Variants in GNA12 observed in about 807,000 individuals in gnomAD.
GNA12 encodes the protein G protein subunit alpha 12, also known as guanine nucleotide-binding protein subunit alpha-12.
Under a neutral mutation model 26.0 loss-of-function variants are expected in GNA12, and 9 were observed. The ratio of observed to expected loss-of-function variants is 0.35; its 90% confidence interval spans 0.21 to 0.60. The LOEUF (loss-of-function observed/expected upper bound fraction) is 0.60. Among genes scored for constraint, GNA12 ranks in the 20% least tolerant of loss-of-function variants. The pLI, the probability that GNA12 is intolerant of heterozygous loss-of-function variation, is 0.78. For synonymous variants in GNA12, 264 were observed against 219.6 expected, an observed-to-expected ratio of 1.20 and a Z score of -1.79; for missense variants, 405 against 525.8, an observed-to-expected ratio of 0.77 and a Z score of 2.25.
At chr7:2,787,295 T>G (rs957721449) in intron 2 of GNA12, among the ~76,000 whole-genome samples, 23 of 152,196 alleles carry the variant, frequency 1.5e-4, no homozygotes, top group Admixed American at 2.0e-4. Context: ...TCACTTTTAT[T>G]ATCAACATGG....
intron 2 of GNA12, among the ~76,000 whole-genome samples, chr7:2,768,160 G>A (rs1464637777): frequency 1.3e-5 from 2 of 152,202 alleles, no homozygotes; most frequent in African/African-American, 4.8e-5. Context: ...CAGACCTAAT[G>A]GAGACTATAA....
At chr7:2,816,174 G>A (rs1793213749) in intron 1 of GNA12, among the ~76,000 whole-genome samples, 1 of 151,852 alleles carries the variant, frequency 6.6e-6, no homozygotes, top group Non-Finnish European at 1.5e-5. Flanking sequence ...TGTGACGGTG[G>A]AAAGAAGTAA....
intron 2 of GNA12, among the ~76,000 whole-genome samples, chr7:2,790,965 T>C (rs981008013): frequency 2.0e-5 from 3 of 147,896 alleles, no homozygotes; most frequent in East Asian, 2.0e-4. Flanking sequence ...CAGAGCAAGA[T>C]TGTCCCTTTA....
At chr7:2,822,260 T>C (rs1453884634) in intron 1 of GNA12, among the ~76,000 whole-genome samples, 2 of 152,194 alleles carry the variant, frequency 1.3e-5, no homozygotes, top group Non-Finnish European at 1.5e-5. Flanking sequence ...ACTGGAGTGG[T>C]TGTTTTGCAT....
chr7:2,780,233 A>G (rs1023733738), intron 2 of GNA12, among the ~76,000 whole-genome samples: 4 of 151,634 alleles, frequency 2.6e-5, no homozygotes, highest in South Asian at 2.1e-4. Flanking sequence ...ACAATATTCT[A>G]TCACATGGTC....
chr7:2,803,397 G>C, intron 1 of GNA12, among the ~76,000 whole-genome samples: 1 of 152,194 alleles, frequency 6.6e-6, no homozygotes. Flanking sequence ...GTGGCAGGTG[G>C]GACAGGAGGC....
intron 1 of GNA12, among the ~76,000 whole-genome samples, chr7:2,808,566 C>T (rs937635588): frequency 9.8e-5 from 15 of 152,312 alleles, no homozygotes; most frequent in African/African-American, 3.4e-4. Context: ...AGAGCAGCAG[C>T]GGCCTGCAGC....
chr7:2,789,850 C>A (rs562443378), intron 2 of GNA12, among the ~76,000 whole-genome samples: 3 of 152,310 alleles, frequency 2.0e-5, no homozygotes, highest in South Asian at 2.1e-4. Context: ...CAAAAAGGAA[C>A]CAGCACAGAG....
chr7:2,751,228 A>C (rs564047155), intron 2 of GNA12, among the ~76,000 whole-genome samples: 5 of 151,846 alleles, frequency 3.3e-5, no homozygotes, highest in East Asian at 1.9e-4. Context: ...CTCAAAAAAA[A>C]CCCCAAAGTT....
intron 2 of GNA12, among the ~76,000 whole-genome samples, chr7:2,742,400 C>T (rs936285896): frequency 2.6e-5 from 4 of 152,122 alleles, no homozygotes; most frequent in African/African-American, 9.7e-5. Flanking sequence ...ATGACAGTTT[C>T]GAGATGATTT....
Position 2,755,164 on chromosome 7 carries a change from T to G in GNA12, c.526-21663A>C, listed in dbSNP as rs541373670. Among the ~76,000 whole-genome samples, 8 of 150,968 alleles carry G rather than the reference T, an allele frequency of 5.3e-5. No individual in the cohort carries two copies. In the South Asian group the frequency reaches 1.3e-3, roughly 25 times the overall value. On this transcript the variant is annotated intron_variant, in intron 2 of 3. Coordinates refer to ENST00000275364, the MANE Select transcript of GNA12 (RefSeq NM_007353.3). ...GCCAGCACCACACAGGCCTGACCAC[T>G]GCAGGGAGACAACAGGCCTTGGAAT...
intron 2 of GNA12, among the ~76,000 whole-genome samples, chr7:2,735,777 G>C (rs1200593032): frequency 6.6e-6 from 1 of 152,188 alleles, no homozygotes; most frequent in Non-Finnish European, 1.5e-5. Context: ...GTCAAATCTA[G>C]TTTCATGTCA....
intron 2 of GNA12, among the ~76,000 whole-genome samples, chr7:2,794,249 C>T (rs1423631278): frequency 2.0e-5 from 3 of 152,092 alleles, no homozygotes; most frequent in African/African-American, 4.8e-5. Flanking sequence ...AGGGGGCAAA[C>T]GGCTGTGAGA....
intron 1 of GNA12, among the ~76,000 whole-genome samples, chr7:2,836,491 C>A (rs1167973624): frequency 6.6e-6 from 1 of 152,196 alleles, no homozygotes; most frequent in Non-Finnish European, 1.5e-5. Context: ...AGGATGGGCG[C>A]TGCAGAAGCC....
chr7:2,769,165 A>G (rs879037952), intron 2 of GNA12, among the ~76,000 whole-genome samples: 1 of 152,048 alleles, frequency 6.6e-6, no homozygotes, highest in Non-Finnish European at 1.5e-5. Flanking sequence ...TGGCCTCCCA[A>G]AGTGCTGGGA....
At chr7:2,799,135 A>G (rs1482093134) in intron 1 of GNA12, among the ~76,000 whole-genome samples, 3 of 152,232 alleles carry the variant, frequency 2.0e-5, no homozygotes, top group Non-Finnish European at 4.4e-5. Flanking sequence ...TTATCAATAA[A>G]TTGAACTTGA....
chr7:2,762,741 G>T, intron 2 of GNA12: 1 of 1,553,822 alleles, frequency 6.4e-7, no homozygotes, highest in South Asian at 1.2e-5. Context: ...CCTCCCTCCC[G>T]CAGGAAGTGC....
intron 1 of GNA12, among the ~76,000 whole-genome samples, chr7:2,804,714 G>C (rs1249833320): frequency 1.3e-5 from 2 of 152,090 alleles, no homozygotes; most frequent in South Asian, 2.1e-4. Context: ...TGGATTGCAT[G>C]GTGAGGTCTG....
intron 2 of GNA12, 110 bp downstream of exon 2, chr7:2,794,818 G>A (rs576875175): frequency 5.2e-6 from 4 of 774,946 alleles, no homozygotes; most frequent in Middle Eastern, 3.8e-4. Flanking sequence ...CGGTGATTTA[G>A]AGCTTGCTTG....
Sources: allele counts gnomAD v4.1 joint callset (sites outside exome capture counted in the v4.1 genomes callset), GRCh38; gene constraint gnomAD v4.1.1; transcripts MANE v1.5; gene names NCBI Gene and HGNC (gene_info 2026-07-23, HGNC 2026-07-21).